Variants in LAMA1 observed in about 807,000 individuals in gnomAD.
The protein encoded by LAMA1 is laminin subunit alpha 1.
LAMA1 carries 219 observed loss-of-function variants against 348.7 expected under a neutral mutation model. The observed-to-expected ratio is 0.63, with a 90% CI of 0.56 to 0.70. The LOEUF (loss-of-function observed/expected upper bound fraction) is 0.70, where lower values mean the gene tolerates loss of function less well. Ranked by LOEUF, LAMA1 falls within the 30% of genes least tolerant of loss-of-function variation. The pLI is 0.00. For missense variants in LAMA1, 3,744 were observed against 3,888.0 expected (o/e 0.96, Z 0.99); for synonymous variants, 1,487 against 1,491.0 (o/e 1.00, Z 0.06).
intron 1 of LAMA1, among the ~76,000 whole-genome samples, chr18:7,091,776 C>A (rs2058240649): frequency 6.6e-6 from 1 of 152,198 alleles, no homozygotes; most frequent in African/African-American, 2.4e-5. Context: ...CCTCAATTTA[C>A]ATGACTGGTC....
chr18:7,112,698 A>G (rs183161668), intron 1 of LAMA1, among the ~76,000 whole-genome samples: 330 of 150,632 alleles, frequency 2.2e-3, no homozygotes, highest in Admixed American at 5.8e-3. Flanking sequence ...ATGCAATGGC[A>G]CGATCTCGGC....
intron 42 of LAMA1, 81 bp downstream of exon 42, chr18:6,980,440 A>C (rs2057705947): frequency 2.1e-6 from 2 of 973,084 alleles, no homozygotes; most frequent in East Asian, 2.4e-5. Context: ...ATCAGTCTTG[A>C]GGCAGGACTT....
chr18:7,113,363 C>T (rs1299550603), intron 1 of LAMA1, among the ~76,000 whole-genome samples: 1 of 152,216 alleles, frequency 6.6e-6, no homozygotes, highest in Non-Finnish European at 1.5e-5. Flanking sequence ...GGGGTCCCAG[C>T]CTCCTTGCTT....
chr18:6,969,534 A>G (rs142152882), intron 48 of LAMA1, among the ~76,000 whole-genome samples: 1 of 152,348 alleles, frequency 6.6e-6, no homozygotes, highest in Non-Finnish European at 1.5e-5. Context: ...AATACCTATT[A>G]ATACCCTACA....
At chr18:6,946,378 T>A (rs2057521604) in intron 61 of LAMA1, among the ~76,000 whole-genome samples, 1 of 152,096 alleles carries the variant, frequency 6.6e-6, no homozygotes, top group South Asian at 2.1e-4. Flanking sequence ...GAGTTGGGTG[T>A]GGCCATGATG....
chr18:7,050,799 A>T lies in LAMA1; in HGVS notation c.483T>A (p.Ser161=), dbSNP rs1342314779. Residue 161 remains serine (S), a synonymous_variant, in exon 4 of 63, where the codon TCT becomes TCA. Transcript: ENST00000389658. ...CTCGTCTTGGAGTTATATTGTAACG[A>T]GACAAACACTCTGAGTCGCTGACTG... The part of the protein sequence containing the change: ...YYAVSDSECL[S]RYNITPRRGP... 2 of 1,614,196 alleles carry T rather than the reference A, an allele frequency of 1.2e-6. No homozygotes were observed. Among genetic ancestry groups the T allele is most frequent in the Non-Finnish European group, 1.7e-6 (2 of 1,180,042 alleles).
chr18:6,998,432 G>A (rs1568024370), intron 32 of LAMA1, among the ~76,000 whole-genome samples: 1 of 152,152 alleles, frequency 6.6e-6, no homozygotes, highest in Non-Finnish European at 1.5e-5. Flanking sequence ...TCTTTATGCT[G>A]CCTGGCTCAT....
In LAMA1 at chr18:7,008,893, A is replaced by C. The variant is rs551905675; in HGVS notation, c.4002-285T>G. On this transcript the variant is annotated intron_variant, in intron 27 of 62. Transcript: ENST00000389658. Reference sequence around the variant, plus strand: ...CCTAATGGCTTTCTTTTTGGGCTAAAGTATGAGATGAGTAGGTGACAGCAT... The same window carrying C: ...CCTAATGGCTTTCTTTTTGGGCTAACGTATGAGATGAGTAGGTGACAGCAT... Among the ~76,000 whole-genome samples, 8 of 152,326 alleles carry C rather than the reference A, an allele frequency of 5.3e-5. No homozygotes were observed. In the South Asian group the frequency reaches 1.7e-3, roughly 32 times the overall value.
chr18:6,975,281 C>T (rs1343769496), intron 45 of LAMA1, among the ~76,000 whole-genome samples: 1 of 152,190 alleles, frequency 6.6e-6, no homozygotes, highest in Non-Finnish European at 1.5e-5. Context: ...TCCTCAATGT[C>T]TCCCACAGAG....
intron 3 of LAMA1, among the ~76,000 whole-genome samples, chr18:7,073,450 A>G (rs1222412745): frequency 6.6e-6 from 1 of 152,072 alleles, no homozygotes; most frequent in Admixed American, 6.6e-5. Flanking sequence ...ACCCCGCTCC[A>G]CTTTCTGTCT....
intron 1 of LAMA1, among the ~76,000 whole-genome samples, chr18:7,109,461 C>T (rs1247132149): frequency 6.6e-6 from 1 of 152,222 alleles, no homozygotes; most frequent in Non-Finnish European, 1.5e-5. Context: ...TGGGTGGGAA[C>T]TCCAATTTAT....
chr18:6,946,907 GA>G, intron 61 of LAMA1, among the ~76,000 whole-genome samples: 1 of 152,016 alleles, frequency 6.6e-6, no homozygotes, highest in East Asian at 1.9e-4. Context: ...GATGGTTCAG[GA>G]AAAAAAGTTC....
At chr18:6,948,300 T>C (rs1157354180) in intron 60 of LAMA1, 103 bp downstream of exon 60, 1 of 1,482,792 alleles carries the variant, frequency 6.7e-7, no homozygotes, top group African/African-American at 1.4e-5. Flanking sequence ...GTGGTTTTCC[T>C]GCAGCCTTGT....
intron 19 of LAMA1, among the ~76,000 whole-genome samples, chr18:7,020,875 C>T (rs1415205141): frequency 6.6e-6 from 1 of 152,216 alleles, no homozygotes; most frequent in East Asian, 1.9e-4. Flanking sequence ...GATATTCAAA[C>T]ACACAGCTCC....
In LAMA1 at chr18:7,011,488, C is replaced by T. The variant is rs369050706; in HGVS notation, c.3508-9G>A. On this transcript the variant is annotated splice_polypyrimidine_tract_variant and intron_variant, in intron 24 of 62. Coordinates refer to ENST00000389658, the MANE Select transcript of LAMA1 (RefSeq NM_005559.4). ...TCGGAGCCCAGCGTTACCTAAACCACGAAAGGAGGGGAAAGTGCACTTCAA... is the reference window on the plus strand; with the variant it reads ...TCGGAGCCCAGCGTTACCTAAACCATGAAAGGAGGGGAAAGTGCACTTCAA... 81 of 1,596,554 alleles carry T rather than the reference C, an allele frequency of 5.1e-5. No individual in the cohort carries two copies. Among genetic ancestry groups the T allele is most frequent in the African/African-American group, 4.5e-4 (34 of 74,796 alleles).
chr18:7,024,378 A>G lies in LAMA1; in HGVS notation c.2489+2T>C. ...GTGTTGAAGCCAGTGGATGCAGAGT[A>G]CCTCTCACACCAAGCTCCTGAGTAG... On this transcript the variant is annotated splice_donor_variant, in intron 18 of 62. Coordinates refer to ENST00000389658, the MANE Select transcript of LAMA1 (RefSeq NM_005559.4). LOFTEE classifies it high-confidence loss of function. 1 of 1,612,538 alleles carries G rather than the reference A, an allele frequency of 6.2e-7. No homozygotes were observed. The highest frequency in any genetic ancestry group is 8.5e-7 in the Non-Finnish European group (1 of 1,178,606).
At position 6,969,898 on chromosome 18, in the gene LAMA1, G is replaced by A. The variant is rs546349791; in HGVS notation, c.6899+1959C>T. On this transcript the variant is annotated intron_variant, in intron 48 of 62. Coordinates refer to ENST00000389658, the MANE Select transcript of LAMA1 (RefSeq NM_005559.4). ...AATTCATTCAGTGCTGTAGCTTGAC[G>A]TCAATGATTTCAAAATACCTCTGGA... Among the ~76,000 whole-genome samples the A allele has an allele frequency of 2.0e-5, 3 of 152,322 alleles. No homozygotes were observed. The South Asian group carries it at 6.2e-4, about 32-fold the overall frequency.
At position 7,034,583 on chromosome 18, in the gene LAMA1, G is replaced by C. The variant is rs772141197; in HGVS notation, c.1947C>G (p.His649Gln). 6.2e-7 allele frequency: 1 copy of C among 1,614,134 alleles called. No individual in the cohort carries two copies. The highest frequency in any genetic ancestry group is 8.5e-7 in the Non-Finnish European group (1 of 1,180,014). The change falls in exon 14 of 63, where the codon CAC becomes CAG. Residue 649 changes from histidine to glutamine, a missense_variant. By Grantham distance (24) the His-to-Gln change is conservative (BLOSUM62 0). Around this residue, in one of 3 missense-constraint regions of LAMA1, gnomAD observed 1,529 missense variants for 1,689.4 expected, o/e 0.91. Transcript: ENST00000389658. ...GGTCACGATCAATCTGCCTTTTGCTGTGAAAATCTTGGAAGTTTTCAGGCA... is the reference window on the plus strand; with the variant it reads ...GGTCACGATCAATCTGCCTTTTGCTCTGAAAATCTTGGAAGTTTTCAGGCA... ...RLVPENFQDF[H>Q]SKRQIDRDQL... is the part of the protein sequence containing the mutation.
At chr18:7,009,996 G>A (rs551463247) in intron 26 of LAMA1, among the ~76,000 whole-genome samples, 4 of 152,080 alleles carry the variant, frequency 2.6e-5, no homozygotes, top group Middle Eastern at 3.4e-3. Flanking sequence ...TAGTAGAGAC[G>A]GGGATTCATC....
Sources: allele counts gnomAD v4.1 joint callset (sites outside exome capture counted in the v4.1 genomes callset), GRCh38; gene constraint gnomAD v4.1.1; regional missense constraint gnomAD v4.1.1; transcripts MANE v1.5; gene names NCBI Gene and HGNC (gene_info 2026-07-23, HGNC 2026-07-21).